Variants in ATP8B4 observed in about 807,000 individuals in gnomAD.
ATP8B4 encodes the protein ATPase phospholipid transporting 8B4 (putative).
In ATP8B4, 133 loss-of-function variants were observed where a neutral mutation model predicts 145.6. The observed-to-expected ratio is 0.91, with a 90% CI of 0.79 to 1.05. The LOEUF (loss-of-function observed/expected upper bound fraction) is 1.05, where lower values mean the gene tolerates loss of function less well. ATP8B4 is among the 50% of genes least tolerant of loss of function. The pLI, the probability that ATP8B4 is intolerant of heterozygous loss-of-function variation, is 0.00. For missense variants in ATP8B4, 1,458 were observed against 1,425.2 expected (o/e 1.02, Z -0.37); for synonymous variants, 507 against 492.9 (o/e 1.03, Z -0.38).
intron 5 of ATP8B4, 131 bp from the exon 6 acceptor site, chr15:50,038,960 G>A (rs1335200191): frequency 1.4e-6 from 1 of 730,960 alleles, no homozygotes; most frequent in Non-Finnish European, 2.3e-6. Context: ...CACTGTTTGA[G>A]CTTCCTGTGA....
intron 1 of ATP8B4, among the ~76,000 whole-genome samples, chr15:50,141,072 C>T (rs2044201478): frequency 6.6e-6 from 1 of 152,062 alleles, no homozygotes; most frequent in African/African-American, 2.4e-5. Context: ...GCTCTTGACC[C>T]GCACCTGCCT....
chr15:50,179,552 T>C (rs2044813496), intron 1 of ATP8B4, among the ~76,000 whole-genome samples: 1 of 152,232 alleles, frequency 6.6e-6, no homozygotes, highest in Non-Finnish European at 1.5e-5. Flanking sequence ...GCTGTGGTTT[T>C]AATGTTCATG....
chr15:50,113,780 G>A (rs557456671), intron 1 of ATP8B4, among the ~76,000 whole-genome samples: 79 of 137,730 alleles, frequency 5.7e-4, no homozygotes, highest in Non-Finnish European at 6.0e-4. Context: ...CAGAGGTTGC[G>A]GTGAGCTGAG....
intron 20 of ATP8B4, among the ~76,000 whole-genome samples, chr15:49,906,513 A>G (rs889088612): frequency 7.2e-5 from 11 of 152,210 alleles, no homozygotes; most frequent in Admixed American, 7.2e-4. Flanking sequence ...ACCACAAGTG[A>G]TCCTCTCCAT....
At chr15:49,981,183 T>C (rs1801613204) in intron 11 of ATP8B4, 23 bp downstream of exon 11, 2 of 1,481,848 alleles carry the variant, frequency 1.3e-6, no homozygotes, top group Admixed American at 3.5e-5. Flanking sequence ...TGACTAGTGA[T>C]ATTGCCTAGT....
chr15:50,150,640 C>A (rs865887960), intron 1 of ATP8B4, among the ~76,000 whole-genome samples: 5 of 152,306 alleles, frequency 3.3e-5, no homozygotes, highest in Middle Eastern at 3.4e-3. Flanking sequence ...TACCTGGAGT[C>A]CATTATTAAG....
intron 26 of ATP8B4, among the ~76,000 whole-genome samples, chr15:49,864,529 G>A (rs1306956318): frequency 1.3e-5 from 2 of 152,188 alleles, no homozygotes; most frequent in Non-Finnish European, 2.9e-5. Flanking sequence ...CTCTGAGAAA[G>A]TATATTAATA....
intron 1 of ATP8B4, chr15:50,113,425 A>G (rs1952381300): frequency 2.0e-5 from 3 of 152,368 alleles, no homozygotes; most frequent in African/African-American, 7.2e-5. Context: ...GGTATCAGTG[A>G]CAGCTGCCAA....
intron 10 of ATP8B4, among the ~76,000 whole-genome samples, chr15:49,985,255 C>T (rs893794741): frequency 4.6e-5 from 7 of 152,228 alleles, no homozygotes; most frequent in African/African-American, 1.7e-4. Flanking sequence ...TGCCAACACG[C>T]CTGGCTAATT....
Position 49,859,853 on chromosome 15 carries a change from A to G in ATP8B4, c.*341T>C, listed in dbSNP as rs2031304564. On this transcript the variant is annotated 3_prime_UTR_variant, in exon 28 of 28. Transcript: ENST00000284509. ...CACCCTTTTATCCGCCTGAGGATCC[A>G]TTCAGTGAATATGCAGCTTTACAAG... 8.3e-6 allele frequency: 2 copies of G among 241,844 alleles called. No homozygotes were observed. The highest frequency in any genetic ancestry group is 4.5e-5 in the African/African-American group (2 of 44,038). The allele number at this position is 241,844 out of a possible 1,614,324, so 15.0% of individuals were successfully genotyped here. A position where few individuals can be genotyped will look rare whatever the true frequency, so the allele number is the denominator to read the frequency against.
chr15:50,170,821 A>C (rs781318694), intron 1 of ATP8B4, among the ~76,000 whole-genome samples: 3 of 152,218 alleles, frequency 2.0e-5, no homozygotes, highest in Non-Finnish European at 4.4e-5. Context: ...GACTCACCTA[A>C]CACATAAGGA....
At chr15:50,082,929 C>T (rs917270670) in intron 2 of ATP8B4, among the ~76,000 whole-genome samples, 15 of 152,290 alleles carry the variant, frequency 9.8e-5, no homozygotes, top group African/African-American at 4.8e-5. Flanking sequence ...AATGCAAACA[C>T]AGAACTGCCT....
chr15:49,877,541 T>C (rs1217265010), intron 24 of ATP8B4, among the ~76,000 whole-genome samples: 1 of 152,160 alleles, frequency 6.6e-6, no homozygotes, highest in Non-Finnish European at 1.5e-5. Flanking sequence ...TAGAAAGTCC[T>C]GTTTTTAGAT....
intron 20 of ATP8B4, among the ~76,000 whole-genome samples, chr15:49,911,089 A>T (rs556865776): frequency 5.9e-5 from 9 of 152,170 alleles, no homozygotes; most frequent in Non-Finnish European, 1.3e-4. Flanking sequence ...GATATATACA[A>T]CATCCAGAAA....
chr15:49,902,858 G>T (rs933607829), intron 20 of ATP8B4, among the ~76,000 whole-genome samples: 7 of 152,172 alleles, frequency 4.6e-5, no homozygotes, highest in African/African-American at 9.7e-5. Flanking sequence ...AAGCACCACA[G>T]GGAAAACATC....
chr15:49,886,300 G>A (rs751301496), intron 23 of ATP8B4, among the ~76,000 whole-genome samples: 18 of 152,138 alleles, frequency 1.2e-4, no homozygotes, highest in Middle Eastern at 6.8e-3. Context: ...TATAAAATGA[G>A]GATTACAGGG....
intron 23 of ATP8B4, among the ~76,000 whole-genome samples, chr15:49,890,150 G>T (rs888300537): frequency 6.6e-6 from 1 of 152,152 alleles, no homozygotes; most frequent in African/African-American, 2.4e-5. Flanking sequence ...GTTCCTGGGG[G>T]GCCATCAGAG....
intron 1 of ATP8B4, among the ~76,000 whole-genome samples, chr15:50,110,540 G>T (rs1029095580): frequency 6.6e-6 from 1 of 152,158 alleles, no homozygotes; most frequent in Admixed American, 6.5e-5. Flanking sequence ...GAAAGAAAAA[G>T]GTTTGCTAAA....
chr15:49,986,468 G>C (rs2046606615), intron 10 of ATP8B4, among the ~76,000 whole-genome samples: 1 of 152,178 alleles, frequency 6.6e-6, no homozygotes. Context: ...GATTTCCCAA[G>C]TCTTTACAAT....
Sources: allele counts gnomAD v4.1 joint callset (sites outside exome capture counted in the v4.1 genomes callset), GRCh38; gene constraint gnomAD v4.1.1; transcripts MANE v1.5; gene names NCBI Gene and HGNC (gene_info 2026-07-23, HGNC 2026-07-21).